TJP1: variants seen among roughly 807,000 people sequenced by gnomAD.
The protein encoded by TJP1 is tight junction protein 1.
In TJP1, 43 loss-of-function variants were observed where a neutral mutation model predicts 194.2. The ratio of observed to expected loss-of-function variants is 0.22; its 90% confidence interval spans 0.17 to 0.29. The LOEUF (loss-of-function observed/expected upper bound fraction) is 0.29, where lower values mean the gene tolerates loss of function less well. TJP1 is among the 10% of genes least tolerant of loss of function. The pLI, the probability that TJP1 is intolerant of heterozygous loss-of-function variation, is 1.00. For missense variants in TJP1, 1,971 were observed against 2,185.7 expected (o/e 0.90, Z 1.96); for synonymous variants, 801 against 779.0 (o/e 1.03, Z -0.47).
chr15:29,794,107 A>G (rs903314411), intron 2 of TJP1, among the ~76,000 whole-genome samples: 5 of 151,954 alleles, frequency 3.3e-5, no homozygotes, highest in African/African-American at 1.2e-4. Context: ...TTCTTTGATG[A>G]TTTTCTTTTT....
intron 1 of TJP1, among the ~76,000 whole-genome samples, chr15:29,813,902 G>C (rs1052645801): frequency 4.6e-5 from 7 of 152,136 alleles, no homozygotes; most frequent in African/African-American, 1.4e-4. Context: ...GTAAAATTCC[G>C]CTTTAGGAAT....
chr15:29,853,873 A>C (rs949912732), intron 2 of TJP1, among the ~76,000 whole-genome samples: 4 of 152,224 alleles, frequency 2.6e-5, no homozygotes, highest in Non-Finnish European at 4.4e-5. Flanking sequence ...ATTCTGCATT[A>C]CATGGGAATA....
chr15:29,765,656 C>T (rs763003287), intron 5 of TJP1, among the ~76,000 whole-genome samples: 8 of 151,990 alleles, frequency 5.3e-5, no homozygotes, highest in Non-Finnish European at 8.8e-5. Flanking sequence ...TGTGGGAGGC[C>T]GAGGCAGGTG....
intron 2 of TJP1, among the ~76,000 whole-genome samples, chr15:29,915,701 A>C (rs1394546872): frequency 6.6e-6 from 1 of 152,250 alleles, no homozygotes; most frequent in Non-Finnish European, 1.5e-5. Context: ...GCACTTTCTT[A>C]GTGTTTGTCA....
At chr15:29,778,292 T>C (rs1355072240) in intron 2 of TJP1, among the ~76,000 whole-genome samples, 1 of 150,878 alleles carries the variant, frequency 6.6e-6, no homozygotes, top group Non-Finnish European at 1.5e-5. Context: ...CCTCAATCTA[T>C]ACCAATTAAG....
upstream of TJP1, chr15:29,824,004 A>T (rs1393337879): frequency 7.0e-6 from 1 of 142,186 alleles, no homozygotes; most frequent in Non-Finnish European, 1.5e-5. Flanking sequence ...AATCACTTGA[A>T]CCCAGGAGGC....
chr15:29,942,654 G>T (rs370923051), intron 2 of TJP1, among the ~76,000 whole-genome samples: 2 of 152,204 alleles, frequency 1.3e-5, no homozygotes, highest in Non-Finnish European at 2.9e-5. Flanking sequence ...ATTAATAACG[G>T]TGATAATTCT....
chr15:29,834,642 T>C (rs189250724), intron 2 of TJP1, among the ~76,000 whole-genome samples: 33 of 152,286 alleles, frequency 2.2e-4, no homozygotes, highest in African/African-American at 7.7e-4. Flanking sequence ...AAAAGATAAT[T>C]AAATATGGTG....
At chr15:29,955,753 TAAAAAAAAAAAAAAAA>T (rs563535771) in intron 2 of TJP1, among the ~76,000 whole-genome samples, 5 of 35,814 alleles carry the variant, frequency 1.4e-4, no homozygotes, top group East Asian at 1.1e-3. Context: ...CCTGGCTCTT[TAAAAAAAAAAAAAAAA>T]AAAAAAAAAA....
At chr15:29,716,901 A>AAT in intron 22 of TJP1, 63 bp from the exon 23 acceptor site, 4 of 1,388,968 alleles carry the variant, frequency 2.9e-6, no homozygotes, top group Non-Finnish European at 4.0e-6. Context: ...AAGGAAGTAG[A>AAT]ATATGTAAGT....
chr15:29,824,228 G>T (rs1430041243), upstream of TJP1: 1 of 151,480 alleles, frequency 6.6e-6, no homozygotes, highest in African/African-American at 2.4e-5. Flanking sequence ...CAGATCACTT[G>T]AGGTCAGGAG....
chr15:29,846,207 C>T (rs1285994718), intron 2 of TJP1, among the ~76,000 whole-genome samples: 1 of 152,182 alleles, frequency 6.6e-6, no homozygotes, highest in East Asian at 1.9e-4. Flanking sequence ...CTGAAGCCCA[C>T]ATCCTTAATA....
intron 2 of TJP1, among the ~76,000 whole-genome samples, chr15:29,932,787 A>C (rs1006673713): frequency 6.6e-6 from 1 of 152,138 alleles, no homozygotes; most frequent in Non-Finnish European, 1.5e-5. Flanking sequence ...AAAGTATGAA[A>C]AGCCTCCATT....
rs578152529 is a variant in TJP1, at chr15:29,965,669, G to A, written c.173+2998C>T. Among the ~76,000 whole-genome samples the A allele has an allele frequency of 1.8e-4, 27 of 152,252 alleles. No homozygotes were observed. The South Asian group carries it at 5.6e-3, about 32-fold the overall frequency. ...GCCTTATGTCTCCAATGCTCCATGTGCGGTTGCTATGAAACTAGCAAAATG... is the reference window on the plus strand; with the variant it reads ...GCCTTATGTCTCCAATGCTCCATGTACGGTTGCTATGAAACTAGCAAAATG... On this transcript the variant is annotated intron_variant, in intron 1 of 28. Transcript: ENST00000356107.
intron 10 of TJP1, among the ~76,000 whole-genome samples, chr15:29,737,699 CAA>C (rs1307628409): frequency 6.6e-6 from 1 of 152,168 alleles, no homozygotes; most frequent in Non-Finnish European, 1.5e-5. Context: ...TCTCAACTCT[CAA>C]AGAGTTATGG....
intron 6 of TJP1, 145 bp from the exon 7 acceptor site, chr15:29,761,914 T>G: frequency 1.3e-6 from 1 of 776,152 alleles, no homozygotes; most frequent in Non-Finnish European, 1.9e-6. Context: ...TGTCAAAGTA[T>G]TCCACCTTCT....
chr15:29,777,081 T>C (rs2047063000), intron 2 of TJP1, among the ~76,000 whole-genome samples: 1 of 152,152 alleles, frequency 6.6e-6, no homozygotes, highest in African/African-American at 2.4e-5. Context: ...AGTACTTTAG[T>C]ACAAGGCAGA....
At chr15:29,889,853 C>G (rs2053243962) in intron 2 of TJP1, among the ~76,000 whole-genome samples, 1 of 152,248 alleles carries the variant, frequency 6.6e-6, no homozygotes, top group African/African-American at 2.4e-5. Flanking sequence ...GCTTACTAAA[C>G]TACTTAGTAA....
intron 8 of TJP1, 140 bp downstream of exon 8, chr15:29,760,999 A>T: frequency 6.2e-6 from 7 of 1,120,886 alleles, no homozygotes; most frequent in Non-Finnish European, 8.4e-6. Context: ...AGATTTAAAA[A>T]ATGTCTAAGT....
Sources: gnomAD v4.1 joint callset for allele counts (sites outside exome capture counted in the v4.1 genomes callset) on GRCh38, gnomAD v4.1.1 for gene constraint, MANE v1.5 for transcripts, NCBI Gene and HGNC (gene_info 2026-07-23, HGNC 2026-07-21) for gene names.